NR3C1: variants seen among roughly 807,000 people sequenced by gnomAD.
NR3C1 encodes glucocorticoid receptor.
A neutral mutation model predicts 74.0 loss-of-function variants in NR3C1; 14 were observed. The ratio of observed to expected loss-of-function variants is 0.19; its 90% confidence interval spans 0.12 to 0.30. NR3C1 has a LOEUF of 0.30. NR3C1 is among the 10% of genes least tolerant of loss of function. The pLI, the probability that NR3C1 is intolerant of heterozygous loss-of-function variation, is 1.00. For synonymous variants in NR3C1, 308 were observed against 332.5 expected (o/e 0.93, Z 0.80); for missense variants, 695 against 909.8 (o/e 0.76, Z 3.04).
intron 2 of NR3C1, among the ~76,000 whole-genome samples, chr5:143,358,082 A>G (rs1249683661): frequency 3.3e-5 from 5 of 152,242 alleles, no homozygotes; most frequent in African/African-American, 1.2e-4. Flanking sequence ...GTACTACTGA[A>G]TAGGAAGTTT....
At chr5:143,296,625 CA>C (rs908555458) in intron 6 of NR3C1, among the ~76,000 whole-genome samples, 25 of 148,258 alleles carry the variant, frequency 1.7e-4, no homozygotes, top group Non-Finnish European at 4.5e-5. Flanking sequence ...AAAACAACAA[CA>C]ATTTTTTTTT....
intron 2 of NR3C1, among the ~76,000 whole-genome samples, chr5:143,384,318 C>T (rs1374357795): frequency 2.6e-5 from 4 of 152,244 alleles, no homozygotes; most frequent in Admixed American, 2.0e-4. Context: ...TTATTCTGCC[C>T]CCGGCCCCTC....
In NR3C1 at chr5:143,403,591, G is replaced by C; in HGVS notation, c.-394C>G. 1.0e-6 allele frequency: 1 copy of C among 986,142 alleles called. No homozygotes were observed. The highest frequency in any genetic ancestry group is 1.2e-6 in the Non-Finnish European group (1 of 830,438). 61.1% of individuals were successfully genotyped at this position (986,142 alleles called of 1,614,324 possible). On this transcript the variant is annotated 5_prime_UTR_variant, in exon 1 of 9. Transcript: ENST00000394464. Reference sequence around the variant, plus strand: ...CACAGACACGAGCTCGCAAAATGGAGGAGGCGGCGGCGGAGGGAAGAGAGC... The same window carrying C: ...CACAGACACGAGCTCGCAAAATGGACGAGGCGGCGGCGGAGGGAAGAGAGC...
At chr5:143,365,645 A>C (rs900758470) in intron 2 of NR3C1, among the ~76,000 whole-genome samples, 1 of 152,244 alleles carries the variant, frequency 6.6e-6, no homozygotes, top group Non-Finnish European at 1.5e-5. Context: ...ACAGATTTGA[A>C]CAGAACTATG....
intron 1 of NR3C1, among the ~76,000 whole-genome samples, chr5:143,401,950 T>A (rs149325613): frequency 6.6e-6 from 1 of 152,352 alleles, no homozygotes; most frequent in African/African-American, 2.4e-5. Context: ...CAGGGTGTTT[T>A]AAGAGATGGG....
In NR3C1 at chr5:143,403,380, T is replaced by G; in HGVS notation, c.-183A>C. 1.0e-6 allele frequency: 1 copy of G among 985,432 alleles called. No homozygotes were observed. The highest frequency in any genetic ancestry group is 1.2e-6 in the Non-Finnish European group (1 of 829,966). The allele number at this position is 985,432 out of a possible 1,614,324, so 61.0% of individuals were successfully genotyped here. Reference sequence around the variant, plus strand: ...TCCATGGGTGGGGGGAGAGCCCCTATTTAAGAAAGTCTCCCATTGCCCAGC... The same window carrying G: ...TCCATGGGTGGGGGGAGAGCCCCTAGTTAAGAAAGTCTCCCATTGCCCAGC... On this transcript the variant is annotated 5_prime_UTR_variant, in exon 1 of 9. Transcript: ENST00000394464.
intron 1 of NR3C1, among the ~76,000 whole-genome samples, chr5:143,425,755 ACT>A (rs1751495799): frequency 6.6e-6 from 1 of 152,188 alleles, no homozygotes; most frequent in South Asian, 2.1e-4. Flanking sequence ...AGAAAGTGGA[ACT>A]CTCATACATT....
intron 2 of NR3C1, among the ~76,000 whole-genome samples, chr5:143,391,656 T>G (rs1388625421): frequency 6.6e-6 from 1 of 152,198 alleles, no homozygotes; most frequent in Non-Finnish European, 1.5e-5. Context: ...CAAAATCCAC[T>G]GAAAACTTTG....
chr5:143,310,987 G>A (rs1385146802), intron 3 of NR3C1, among the ~76,000 whole-genome samples: 1 of 152,180 alleles, frequency 6.6e-6, no homozygotes, highest in African/African-American at 2.4e-5. Flanking sequence ...ATAATAGTTT[G>A]GGGTAGATGG....
At chr5:143,289,277 A>G (rs751484122) in intron 7 of NR3C1, among the ~76,000 whole-genome samples, 19 of 152,150 alleles carry the variant, frequency 1.2e-4, no homozygotes, top group Non-Finnish European at 2.2e-4. Context: ...GTTGGGTAAG[A>G]AAAAGAGTCT....
In NR3C1 at chr5:143,298,769, C is replaced by G. The variant is rs1410262431; in HGVS notation, c.1791G>C (p.Gln597His). ...ATGCCATAAGAAACATCCAGGAGTA[C>G]TGCAGTAGGGTCATTTGGTCATCCA... ...LHLDDQMTLL[Q>H]YSWMFLMAFA... Residue 597 changes from glutamine (Q) to histidine (H), a missense_variant, in exon 6 of 9, where the codon CAG (glutamine) becomes CAC (histidine). Physicochemically the swap from Gln to His is conservative, Grantham distance 24. Coordinates refer to ENST00000394464, the MANE Select transcript of NR3C1 (RefSeq NM_000176.3). 1.2e-6 allele frequency: 2 copies of G among 1,613,676 alleles called. No individual in the cohort carries two copies.
chr5:143,327,271 T>C (rs1218425807), intron 2 of NR3C1, among the ~76,000 whole-genome samples: 3 of 151,618 alleles, frequency 2.0e-5, no homozygotes, highest in Non-Finnish European at 4.4e-5. Context: ...AACCATCAAC[T>C]CTCCTGAGAA....
rs1818213474 is a variant in NR3C1, at chr5:143,300,191, C to A, written c.1747+294G>T. Among the ~76,000 whole-genome samples, 1 of 152,122 alleles carries A rather than the reference C, an allele frequency of 6.6e-6. No homozygotes were observed. Among genetic ancestry groups the A allele is most frequent in the Admixed American group, 6.5e-5 (1 of 15,270 alleles). ...ATTAACTAAAAACATTTTCTTTCCC[C>A]AAACTTCAGTGTAAAAGGAGTTTTG... On this transcript the variant is annotated intron_variant, in intron 5 of 8. Coordinates refer to ENST00000394464, the MANE Select transcript of NR3C1 (RefSeq NM_000176.3). The surrounding 1 kb of genome is among the most constrained non-coding windows in gnomAD (Gnocchi z 5.2).
chr5:143,362,783 G>A (rs1032856768), intron 2 of NR3C1, among the ~76,000 whole-genome samples: 1 of 152,176 alleles, frequency 6.6e-6, no homozygotes, highest in Non-Finnish European at 1.5e-5. Flanking sequence ...GGCACATGAC[G>A]GGTGGAGGAG....
At chr5:143,368,534 TACACAC>T (rs201482184) in intron 2 of NR3C1, among the ~76,000 whole-genome samples, 223 of 145,046 alleles carry the variant, frequency 1.5e-3, no homozygotes, top group Admixed American at 2.0e-3. Context: ...ATATTCTAGA[TACACAC>T]ACACACACAC....
chr5:143,419,395 A>AT (rs1751096288), intron 1 of NR3C1, among the ~76,000 whole-genome samples: 4 of 152,188 alleles, frequency 2.6e-5, no homozygotes, highest in African/African-American at 9.6e-5. Flanking sequence ...TGATAAAAGA[A>AT]ATGTGGCATT....
chr5:143,403,328 A>G lies in NR3C1; in HGVS notation c.-131T>C. On this transcript the variant is annotated 5_prime_UTR_variant, in exon 1 of 9. Coordinates refer to ENST00000394464, the MANE Select transcript of NR3C1 (RefSeq NM_000176.3). ...GGGAAATATATTTTTTTTTTCTAAA[A>G]AAAGGAAGTAAACAGCCGCCCCTTT... 1.0e-6 allele frequency: 1 copy of G among 985,404 alleles called. No homozygotes were observed. The highest frequency in any genetic ancestry group is 1.2e-6 in the Non-Finnish European group (1 of 829,932). The allele number at this position is 985,404 out of a possible 1,614,324, so 61.0% of individuals were successfully genotyped here. A position where few individuals can be genotyped will look rare whatever the true frequency, so the allele number is the denominator to read the frequency against.
intron 1 of NR3C1, among the ~76,000 whole-genome samples, chr5:143,420,785 T>A (rs1172644883): frequency 6.6e-6 from 1 of 152,180 alleles, no homozygotes; most frequent in African/African-American, 2.4e-5. Flanking sequence ...ACCCAGTCAC[T>A]GCTTCTTTTC....
chr5:143,388,475 A>G (rs1329029697), intron 2 of NR3C1, among the ~76,000 whole-genome samples: 1 of 152,228 alleles, frequency 6.6e-6, no homozygotes, highest in Non-Finnish European at 1.5e-5. Context: ...GCTAGACACT[A>G]TTCTAGACGC....
Sources: allele counts gnomAD v4.1 joint callset (sites outside exome capture counted in the v4.1 genomes callset), GRCh38; gene constraint gnomAD v4.1.1; non-coding constraint Gnocchi (gnomAD v3.1); transcripts MANE v1.5; gene names NCBI Gene and HGNC (gene_info 2026-07-23, HGNC 2026-07-21).